CECR2: variants seen among roughly 807,000 people sequenced by gnomAD.
CECR2 encodes CECR2 histone acetyl-lysine reader.
CECR2 carries 30 observed loss-of-function variants against 154.5 expected under a neutral mutation model. The ratio of observed to expected loss-of-function variants is 0.19; its 90% CI spans 0.15 to 0.26. The LOEUF (loss-of-function observed/expected upper bound fraction) is 0.26. CECR2 is among the 10% of genes least tolerant of loss of function. The pLI is 1.00. For missense variants in CECR2, 1,743 were observed against 1,829.3 expected, an observed-to-expected ratio of 0.95 and a Z score of 0.86; for synonymous variants, 725 against 683.7, an observed-to-expected ratio of 1.06 and a Z score of -0.94.
intron 1 of CECR2, among the ~76,000 whole-genome samples, chr22:17,417,172 T>G (rs1427913024): frequency 6.6e-6 from 1 of 152,218 alleles, no homozygotes; most frequent in African/African-American, 2.4e-5. Context: ...GTTTCTGTTG[T>G]AGGCATTTGA....
intron 13 of CECR2, among the ~76,000 whole-genome samples, chr22:17,539,571 C>T (rs174336): frequency 0.21 from 31,212 of 151,834 alleles, 3,398 homozygotes; most frequent in Admixed American, 0.29. Flanking sequence ...ATGTAAATGA[C>T]GAGTTAATGG....
intron 1 of CECR2, among the ~76,000 whole-genome samples, chr22:17,466,506 T>C (rs975698342): frequency 6.6e-6 from 1 of 152,160 alleles, no homozygotes; most frequent in Non-Finnish European, 1.5e-5. Context: ...ATACCTACTT[T>C]GAAGAGTTTT....
intron 2 of CECR2, among the ~76,000 whole-genome samples, 161 bp downstream of exon 2, chr22:17,477,843 C>T (rs1238865584): frequency 6.6e-6 from 1 of 152,156 alleles, no homozygotes; most frequent in Admixed American, 6.5e-5. Flanking sequence ...CTGTGTTTGG[C>T]TTATTCTGCA....
intron 9 of CECR2, among the ~76,000 whole-genome samples, chr22:17,525,478 C>T (rs899175885): frequency 2.7e-5 from 4 of 149,970 alleles, no homozygotes; most frequent in African/African-American, 9.8e-5. Context: ...TGGTAGCTCA[C>T]GCCTGTAATC....
intron 1 of CECR2, among the ~76,000 whole-genome samples, chr22:17,458,079 C>A (rs2054881312): frequency 6.6e-6 from 1 of 152,008 alleles, no homozygotes; most frequent in Admixed American, 6.6e-5. Flanking sequence ...TGTTCTTCAT[C>A]TTAATTGTGG....
In CECR2 at chr22:17,511,766, A is replaced by T. The variant is rs757509083; in HGVS notation, c.871-47A>T. On this transcript the variant is annotated intron_variant, in intron 7 of 18. Transcript: ENST00000262608. Reference sequence around the variant, plus strand: ...GCAGCAGCAGCATCAGTAGTTGAGAACACCCTAATCTATCTTTTCCTTTCT... The same window carrying T: ...GCAGCAGCAGCATCAGTAGTTGAGATCACCCTAATCTATCTTTTCCTTTCT... 4 of 1,531,704 alleles carry T rather than the reference A, an allele frequency of 2.6e-6. No homozygotes were observed. In the African/African-American group the frequency reaches 4.1e-5, roughly 16 times the overall value. The allele number at this position is 1,531,704 out of a possible 1,614,324, so 94.9% of individuals were successfully genotyped here. A position where few individuals can be genotyped will look rare whatever the true frequency, so the allele number is the denominator to read the frequency against.
chr22:17,492,571 T>TG (rs2055550840), intron 2 of CECR2, among the ~76,000 whole-genome samples: 1 of 152,180 alleles, frequency 6.6e-6, no homozygotes, highest in African/African-American at 2.4e-5. Flanking sequence ...CACTCTTTCT[T>TG]GCTCTTTCAC....
At chr22:17,450,237 T>G (rs568229882) in intron 1 of CECR2, among the ~76,000 whole-genome samples, 1 of 152,364 alleles carries the variant, frequency 6.6e-6, no homozygotes, top group South Asian at 2.1e-4. Context: ...TGTTGTCATT[T>G]AAAATTAGGT....
At chr22:17,535,505 A>G (rs966952457) in intron 9 of CECR2, among the ~76,000 whole-genome samples, 33 of 152,154 alleles carry the variant, frequency 2.2e-4, no homozygotes, top group African/African-American at 7.5e-4. Flanking sequence ...ACTATTGTTT[A>G]CAAACTTCTA....
intron 9 of CECR2, among the ~76,000 whole-genome samples, chr22:17,532,700 C>CTTTTTTTTTATTTT (rs2056375838): frequency 2.8e-5 from 1 of 35,770 alleles, no homozygotes; most frequent in Non-Finnish European, 4.7e-5. Flanking sequence ...CATTATTATT[C>CTTTTTTTTTATTTT]TTTTTTTTTT....
At chr22:17,498,113 G>A (rs1025675852) in intron 3 of CECR2, among the ~76,000 whole-genome samples, 4 of 152,292 alleles carry the variant, frequency 2.6e-5, no homozygotes, top group African/African-American at 4.8e-5. Context: ...AGAGGGGGCC[G>A]GGTGCTGTGG....
At position 17,503,191 on chromosome 22, in the gene CECR2, G is replaced by T. The variant is rs1218434378; in HGVS notation, c.700+60G>T. ...ATAAATATGATTCATTTATGCTAGGGTGTTGACTCTTTTTCTAGAGTCATA... is the reference window on the plus strand; with the variant it reads ...ATAAATATGATTCATTTATGCTAGGTTGTTGACTCTTTTTCTAGAGTCATA... On this transcript the variant is annotated intron_variant, in intron 6 of 18. Transcript: ENST00000262608. 6 of 1,475,056 alleles carry T rather than the reference G, an allele frequency of 4.1e-6. No individual in the cohort carries two copies. The East Asian group carries it at 1.2e-4, about 29-fold the overall frequency. 91.4% of individuals were successfully genotyped at this position (1,475,056 alleles called of 1,614,324 possible).
In CECR2 at chr22:17,549,540, T is replaced by C. The variant is rs776160800; in HGVS notation, c.4253T>C (p.Phe1418Ser). 1.3e-6 allele frequency: 2 copies of C among 1,598,116 alleles called. No individual in the cohort carries two copies. The highest frequency in any genetic ancestry group is 1.1e-5 in the South Asian group (1 of 88,230). ...IGTRSGIRGPFQEMYRPSGMQ... is the reference protein window; with the variant it reads ...IGTRSGIRGPSQEMYRPSGMQ... ...ACTAGAAGTGGAATAAGAGGACCTT[T>C]CCAGGAAATGTACAGACCATCAGGG... The change falls in exon 17 of 19, where the codon TTC becomes TCC. Residue 1418 changes from phenylalanine (F) to serine (S), a missense_variant. This residue lies in a region of CECR2 where 1,250 missense variants were observed against 1,192.1 expected (regional missense o/e 1.05). Coordinates refer to ENST00000262608, the MANE Select transcript of CECR2 (RefSeq NM_001290047.2).
Position 17,552,036 on chromosome 22 carries a change from A to G in CECR2, c.4283A>G (p.Gln1428Arg). The change falls in exon 18 of 19, where the codon CAG becomes CGG. Residue 1428 changes from glutamine to arginine, a missense_variant. Coordinates refer to ENST00000262608, the MANE Select transcript of CECR2 (RefSeq NM_001290047.2). ...CTTCTTTCTCGTGGCTGTAGAATGC[A>G]GATGCACCCGGTCCAGTCGCAGGCC... The part of the protein sequence containing the change: ...FQEMYRPSGM[Q>R]MHPVQSQASF... 6.2e-7 allele frequency: 1 copy of G among 1,613,890 alleles called. No individual in the cohort carries two copies. The highest frequency in any genetic ancestry group is 8.5e-7 in the Non-Finnish European group (1 of 1,179,826).
intron 1 of CECR2, among the ~76,000 whole-genome samples, chr22:17,370,957 GT>G (rs1244882196): frequency 1.3e-5 from 2 of 152,122 alleles, no homozygotes; most frequent in African/African-American, 2.4e-5. Flanking sequence ...GTCAGTTTTT[GT>G]TTTCTGTTCT....
intron 1 of CECR2, chr22:17,477,204 C>A (rs895730962): frequency 4.2e-6 from 3 of 707,398 alleles, no homozygotes; most frequent in African/African-American, 3.5e-5. Flanking sequence ...CATGAGCACT[C>A]CTTTCCTCTC....
chr22:17,368,264 G>A (rs1267435072), upstream of CECR2, among the ~76,000 whole-genome samples: 2 of 152,076 alleles, frequency 1.3e-5, no homozygotes, highest in Non-Finnish European at 2.9e-5. Context: ...CTACTTAAAG[G>A]TAGAAGAGGA....
intron 17 of CECR2, chr22:17,550,417 A>G (rs2056690854): frequency 6.5e-6 from 1 of 154,728 alleles, no homozygotes; most frequent in South Asian, 2.0e-4. Context: ...AAGGTAAAAA[A>G]AAAAAAAAAA....
chr22:17,376,261 A>G (rs568261779), intron 1 of CECR2, among the ~76,000 whole-genome samples: 19 of 152,286 alleles, frequency 1.2e-4, no homozygotes, highest in Non-Finnish European at 2.5e-4. Context: ...TGAAGCTTCA[A>G]AGGCTTCACA....
Sources: allele counts gnomAD v4.1 joint callset (sites outside exome capture counted in the v4.1 genomes callset), GRCh38; gene constraint gnomAD v4.1.1; regional missense constraint gnomAD v4.1.1; transcripts MANE v1.5; gene names NCBI Gene and HGNC (gene_info 2026-07-23, HGNC 2026-07-21).